PTPN9: variants seen among roughly 807,000 people sequenced by gnomAD.
PTPN9 encodes the protein protein tyrosine phosphatase non-receptor type 9, also known as tyrosine-protein phosphatase non-receptor type 9.
Under a neutral mutation model 69.8 loss-of-function variants are expected in PTPN9, and 26 were observed. The ratio of observed to expected loss-of-function variants is 0.37; its 90% confidence interval spans 0.27 to 0.52. The LOEUF is 0.52. Among genes scored for constraint, PTPN9 ranks in the 20% least tolerant of loss-of-function variants. PTPN9 has a pLI of 0.91. For missense variants in PTPN9, 549 were observed against 740.3 expected (o/e 0.74, Z 3.00); for synonymous variants, 274 against 272.5 (o/e 1.01, Z -0.05).
intron 1 of PTPN9, among the ~76,000 whole-genome samples, chr15:75,553,723 G>A (rs1205861328): frequency 1.3e-5 from 2 of 152,076 alleles, no homozygotes; most frequent in Non-Finnish European, 2.9e-5. Context: ...GAGACTTGCT[G>A]CTAATCTGGC....
rs1466423196 is a variant in PTPN9 at position 75,463,706 on chromosome 15, ATTTC to A, written c.*5059_*5062del. ...AAACATCTCCAAGTAAAAGTGATAT[ATTTC>A]TATTTGTGGAGAAGATCCTAGTCTT... On this transcript the variant is annotated 3_prime_UTR_variant, in exon 13 of 13. Transcript: ENST00000618819. 6.6e-6 allele frequency: 1 copy of A among 152,170 alleles called. No individual in the cohort carries two copies. The highest frequency in any genetic ancestry group is 1.5e-5 in the Non-Finnish European group (1 of 68,026). 9.4% of individuals were successfully genotyped at this position (152,170 alleles called of 1,614,324 possible). A position where few individuals can be genotyped will look rare whatever the true frequency, so the allele number is the denominator to read the frequency against.
chr15:75,530,716 TAATATATATAATATATATTATTATATAA>T (rs1288977096), intron 1 of PTPN9, among the ~76,000 whole-genome samples: 25 of 29,704 alleles, frequency 8.4e-4, no homozygotes, highest in African/African-American at 6.3e-3. Context: ...TATTATTATA[TAATATATATAATATATATTATTATATAA>T]TATATATAAT....
At chr15:75,530,945 T>C (rs1469985588) in intron 1 of PTPN9, among the ~76,000 whole-genome samples, 1 of 127,696 alleles carries the variant, frequency 7.8e-6, no homozygotes, top group Non-Finnish European at 1.6e-5. Context: ...GTATATTTTA[T>C]ATTATATATA....
chr15:75,504,105 C>A (rs1430752295), intron 7 of PTPN9, among the ~76,000 whole-genome samples: 4 of 120,470 alleles, frequency 3.3e-5, no homozygotes, highest in African/African-American at 9.7e-5. Context: ...GCCCGGACAG[C>A]CGCCCCGTCC....
At chr15:75,488,428 A>G (rs1198696067) in intron 8 of PTPN9, among the ~76,000 whole-genome samples, 2 of 152,082 alleles carry the variant, frequency 1.3e-5, no homozygotes, top group Non-Finnish European at 2.9e-5. Flanking sequence ...AAGGGAAAAA[A>G]AGGAAGATAA....
intron 5 of PTPN9, among the ~76,000 whole-genome samples, chr15:75,515,321 GGA>G (rs1309058674): frequency 6.6e-6 from 1 of 151,692 alleles, no homozygotes; most frequent in East Asian, 1.9e-4. Flanking sequence ...CAACTACTCT[GGA>G]GGCTGAGGCA....
At chr15:75,536,964 T>G (rs1595964171) in intron 1 of PTPN9, among the ~76,000 whole-genome samples, 1 of 152,296 alleles carries the variant, frequency 6.6e-6, no homozygotes, top group Non-Finnish European at 1.5e-5. Context: ...GATGAATGAA[T>G]GAATTAATTA....
chr15:75,559,768 C>CAAAAA (rs5813803), intron 1 of PTPN9, among the ~76,000 whole-genome samples: 15 of 94,634 alleles, frequency 1.6e-4, no homozygotes, highest in South Asian at 3.2e-4. Flanking sequence ...GAATGGTCAA[C>CAAAAA]AAAAAAAAAA....
chr15:75,518,906 T>C (rs2074886985), intron 4 of PTPN9, among the ~76,000 whole-genome samples: 2 of 151,944 alleles, frequency 1.3e-5, no homozygotes, highest in South Asian at 4.2e-4. Flanking sequence ...CAGTCCAATT[T>C]CCCAGATTTA....
intron 1 of PTPN9, among the ~76,000 whole-genome samples, chr15:75,563,674 AT>A (rs2075114291): frequency 6.6e-6 from 1 of 152,228 alleles, no homozygotes; most frequent in Non-Finnish European, 1.5e-5. Flanking sequence ...GTCAGCAAAC[AT>A]ATTTTGAACC....
chr15:75,504,589 G>T (rs1262307676), intron 7 of PTPN9, among the ~76,000 whole-genome samples: 5 of 143,002 alleles, frequency 3.5e-5, no homozygotes, highest in Admixed American at 2.0e-4. Flanking sequence ...GCCCCTACTG[G>T]GAAGTGAGGA....
chr15:75,524,201 ACACT>A lies in PTPN9; in HGVS notation c.297+4_297+7del, dbSNP rs1555455599. On this transcript the variant is annotated splice_donor_5th_base_variant and intron_variant, in intron 3 of 12. Coordinates refer to ENST00000618819, the MANE Select transcript of PTPN9 (RefSeq NM_002833.4). The stretch of plus-strand genomic sequence containing the variant: ...AAGGCCCTACAAGATAGGTCCCTAA[ACACT>A]CACTAAGATGGTGAATTTTCCACTG... 6.3e-7 allele frequency: 1 copy of A among 1,580,408 alleles called. No individual in the cohort carries two copies. Among genetic ancestry groups the A allele is most frequent in the Non-Finnish European group, 8.7e-7 (1 of 1,150,998 alleles).
At chr15:75,520,794 C>A (rs1295582790) in intron 4 of PTPN9, among the ~76,000 whole-genome samples, 3 of 151,956 alleles carry the variant, frequency 2.0e-5, no homozygotes, top group Non-Finnish European at 2.9e-5. Context: ...GGACTACACG[C>A]GTGAGCCACC....
At chr15:75,491,581 A>G (rs1166513780) in intron 7 of PTPN9, among the ~76,000 whole-genome samples, 1 of 152,194 alleles carries the variant, frequency 6.6e-6, no homozygotes, top group Non-Finnish European at 1.5e-5. Context: ...TTGGAAGTAC[A>G]TGCAGAAAAA....
At chr15:75,480,401 G>C (rs1220626572) in intron 8 of PTPN9, among the ~76,000 whole-genome samples, 1 of 152,084 alleles carries the variant, frequency 6.6e-6, no homozygotes, top group Non-Finnish European at 1.5e-5. Flanking sequence ...TCAGGAGATC[G>C]AGACCATCCT....
At chr15:75,539,741 G>A (rs1317635689) in intron 1 of PTPN9, among the ~76,000 whole-genome samples, 7 of 151,764 alleles carry the variant, frequency 4.6e-5, no homozygotes, top group South Asian at 4.2e-4. Context: ...GTGTGATCTC[G>A]GCTCACTGCA....
At chr15:75,545,916 C>G (rs2075030465) in intron 1 of PTPN9, among the ~76,000 whole-genome samples, 2 of 152,274 alleles carry the variant, frequency 1.3e-5, no homozygotes, top group South Asian at 4.1e-4. Context: ...TCACTGCACT[C>G]CAGCCTGGGT....
intron 8 of PTPN9, among the ~76,000 whole-genome samples, chr15:75,486,579 CCAAA>C (rs1365392608): frequency 6.6e-6 from 1 of 151,980 alleles, no homozygotes; most frequent in Non-Finnish European, 1.5e-5. Flanking sequence ...TTACAGCAGC[CCAAA>C]CAGATTAAGG....
rs368178877 is a variant in PTPN9 at position 75,517,228 on chromosome 15, G to T, written c.528+31C>A. The T allele has an allele frequency of 1.3e-5, 19 of 1,496,172 alleles. No individual in the cohort carries two copies. In the African/African-American group the frequency reaches 2.5e-4, roughly 20 times the overall value. The allele number at this position is 1,496,172 out of a possible 1,614,324, so 92.7% of individuals were successfully genotyped here. On this transcript the variant is annotated intron_variant, in intron 5 of 12. Transcript: ENST00000618819. The stretch of plus-strand genomic sequence containing the variant: ...AAATATATATATCCCAAGCATTGAA[G>T]GAAACTTGAGAGGGCCCTCCATAGC...
Sources: gnomAD v4.1 joint callset for allele counts (sites outside exome capture counted in the v4.1 genomes callset) on GRCh38, gnomAD v4.1.1 for gene constraint, MANE v1.5 for transcripts, NCBI Gene and HGNC (gene_info 2026-07-23, HGNC 2026-07-21) for gene names.